The following TRIM15 variants were observed in gnomAD, a reference collection of about 807,000 sequenced individuals.
TRIM15 encodes the protein tripartite motif containing 15.
In TRIM15, 35 loss-of-function variants were observed where a neutral mutation model predicts 35.8. The ratio of observed to expected loss-of-function variants is 0.98; its 90% confidence interval spans 0.75 to 1.30. TRIM15 has a LOEUF of 1.30. Ranked by LOEUF, TRIM15 falls within the 50% of genes most tolerant of loss-of-function variation. The pLI is 0.00. For missense variants in TRIM15, 590 were observed against 593.5 expected, an observed-to-expected ratio of 0.99 and a Z score of 0.06; for synonymous variants, 252 against 249.8, an observed-to-expected ratio of 1.01 and a Z score of -0.08.
Position 30,172,379 on chromosome 6 carries a change from A to G in TRIM15, c.*30A>G. On this transcript the variant is annotated 3_prime_UTR_variant, in exon 7 of 7. Coordinates refer to ENST00000376694, the MANE Select transcript of TRIM15 (RefSeq NM_033229.3). Reference sequence around the variant, plus strand: ...GGGCGCGCGAAGGGCGGCGAAGCGGAGACGGCGGCTCTCCGGGATCCAGCT... The same window carrying G: ...GGGCGCGCGAAGGGCGGCGAAGCGGGGACGGCGGCTCTCCGGGATCCAGCT... 6.4e-7 allele frequency: 1 copy of G among 1,566,494 alleles called. No homozygotes were observed. Among genetic ancestry groups the G allele is most frequent in the East Asian group, 2.2e-5 (1 of 44,548 alleles).
intron 1 of TRIM15, among the ~76,000 whole-genome samples, chr6:30,165,982 C>A (rs1243309928): frequency 1.3e-5 from 2 of 152,036 alleles, no homozygotes; most frequent in African/African-American, 4.8e-5. Flanking sequence ...TGTTTAAGTT[C>A]TTTGTAGATT....
chr6:30,166,385 G>A (rs144296487), intron 1 of TRIM15, among the ~76,000 whole-genome samples: 2 of 152,064 alleles, frequency 1.3e-5, no homozygotes, highest in Non-Finnish European at 2.9e-5. Flanking sequence ...GCTTGTTTTT[G>A]TCAGGTTTGT....
At position 30,172,000 on chromosome 6, in the gene TRIM15, G is replaced by A. The variant is rs746871012; in HGVS notation, c.1049G>A (p.Arg350His). ...GFPGFSSGRH[R>H]WQVDLQLGDG... is the part of the protein sequence containing the mutation. ...CCGGGCTTCTCCTCCGGGCGCCACC[G>A]CTGGCAGGTTGACCTGCAGCTGGGC... The change falls in exon 7 of 7, where the codon CGC (arginine) becomes CAC (histidine). Residue 350 changes from arginine to histidine, a missense_variant. Arg to His is a conservative substitution (Grantham distance 29). Transcript: ENST00000376694. The A allele has an allele frequency of 2.5e-5, 39 of 1,578,684 alleles. No individual in the cohort carries two copies. The African/African-American group carries it at 4.8e-4, about 20-fold the overall frequency.
Position 30,163,997 on chromosome 6 carries a change from T to C in TRIM15, c.313T>C (p.Cys105Arg). 6.2e-7 allele frequency: 1 copy of C among 1,613,116 alleles called. No homozygotes were observed. The highest frequency in any genetic ancestry group is 8.5e-7 in the Non-Finnish European group (1 of 1,180,012). ...ENDAEFLCVF[C>R]REGPTHQAHT... ...CGATGCCGAGTTCCTCTGTGTGTTC[T>C]GCAGGGAGGGTCCCACGCACCAGGC... The change falls in exon 1 of 7, where the codon TGC (cysteine) becomes CGC (arginine). Residue 105 changes from cysteine to arginine, a missense_variant. Coordinates refer to ENST00000376694, the MANE Select transcript of TRIM15 (RefSeq NM_033229.3).
Position 30,172,393 on chromosome 6 carries a change from C to G in TRIM15, c.*44C>G. The G allele has an allele frequency of 6.4e-7, 1 of 1,557,040 alleles. No individual in the cohort carries two copies. Among genetic ancestry groups the G allele is most frequent in the Non-Finnish European group, 8.7e-7 (1 of 1,155,618 alleles). On this transcript the variant is annotated 3_prime_UTR_variant, in exon 7 of 7. Coordinates refer to ENST00000376694, the MANE Select transcript of TRIM15 (RefSeq NM_033229.3). ...CGGCGAAGCGGAGACGGCGGCTCTC[C>G]GGGATCCAGCTCCGCCCCTGGCCAG...
intron 5 of TRIM15, 54 bp from the exon 6 acceptor site, chr6:30,170,922 G>A: frequency 1.3e-6 from 2 of 1,586,254 alleles, no homozygotes. Flanking sequence ...CCCTGGGGGT[G>A]CCTATAAGAA....
Position 30,163,637 on chromosome 6 carries a change from C to T in TRIM15, c.-48C>T. The T allele has an allele frequency of 1.9e-6, 3 of 1,547,588 alleles. No homozygotes were observed. The highest frequency in any genetic ancestry group is 3.7e-5 in the Admixed American group (2 of 53,782). ...GACTCGATTTCAGGGAAAGGGAACTCGCGTGGGCTGAGGAGACCGGAGTGG... is the reference window on the plus strand; with the variant it reads ...GACTCGATTTCAGGGAAAGGGAACTTGCGTGGGCTGAGGAGACCGGAGTGG... On this transcript the variant is annotated 5_prime_UTR_variant, in exon 1 of 7. Coordinates refer to ENST00000376694, the MANE Select transcript of TRIM15 (RefSeq NM_033229.3).
Position 30,171,903 on chromosome 6 carries a change from T to G in TRIM15, c.952T>G (p.Tyr318Asp), listed in dbSNP as rs1412597310. 1 of 1,600,796 alleles carries G rather than the reference T, an allele frequency of 6.2e-7. No individual in the cohort carries two copies. Among genetic ancestry groups the G allele is most frequent in the Non-Finnish European group, 8.5e-7 (1 of 1,174,118 alleles). The change falls in exon 7 of 7, where the codon TAC (tyrosine) becomes GAC (aspartate). Residue 318 changes from tyrosine (Y) to aspartate (D), a missense_variant. Physicochemically the swap from Tyr to Asp is radical, Grantham distance 160. Transcript: ENST00000376694. ...VLSEDRKSVR[Y>D]TRQKKSLPDS... ...CTCGGAAGACAGGAAGTCAGTGAGG[T>G]ACACCCGGCAGAAGAAGAGCCTGCC... is the stretch of plus-strand genomic sequence containing the variant.
chr6:30,167,291 C>T lies in TRIM15; in HGVS notation c.477+20C>T, dbSNP rs59748816. ...CTGCTGGTACAGGCCACGTCACTGG[C>T]TACCTTTTCCTTTGAAGGTTTTCTT... On this transcript the variant is annotated intron_variant, in intron 2 of 6. Coordinates refer to ENST00000376694, the MANE Select transcript of TRIM15 (RefSeq NM_033229.3). The T allele has an allele frequency of 2.1e-3, 3,303 of 1,596,338 alleles. 40 individuals are homozygous for T. In the African/African-American group the frequency reaches 0.032, roughly 15 times the overall value.
Position 30,172,632 on chromosome 6 carries a change from C to A in TRIM15, c.*283C>A. ...GGGCAACAGCCAACCTAGGAGCCAGCGGGCTTTCGGGGAAAAAAAAGAAAA... is the reference window on the plus strand; with the variant it reads ...GGGCAACAGCCAACCTAGGAGCCAGAGGGCTTTCGGGGAAAAAAAAGAAAA... On this transcript the variant is annotated 3_prime_UTR_variant, in exon 7 of 7. Transcript: ENST00000376694. 1 of 651,226 alleles carries A rather than the reference C, an allele frequency of 1.5e-6. No homozygotes were observed. The highest frequency in any genetic ancestry group is 2.8e-6 in the Non-Finnish European group (1 of 357,374). 40.3% of individuals were successfully genotyped at this position (651,226 alleles called of 1,614,324 possible).
intron 3 of TRIM15, 56 bp from the exon 4 acceptor site, chr6:30,169,185 C>T (rs926802064): frequency 1.9e-6 from 3 of 1,607,022 alleles, no homozygotes; most frequent in Non-Finnish European, 2.6e-6. Context: ...TGTACAGAAT[C>T]CCTGACAGGA....
intron 1 of TRIM15, 51 bp from the exon 2 acceptor site, chr6:30,167,125 A>G (rs946683148): frequency 6.9e-7 from 1 of 1,459,654 alleles, no homozygotes; most frequent in African/African-American, 1.4e-5. Context: ...AATAATTGTG[A>G]GTTGAATTAT....
At position 30,171,995 on chromosome 6, in the gene TRIM15, C is replaced by T. The variant is rs752585923; in HGVS notation, c.1044C>T (p.Arg348=). Residue 348 remains arginine, a synonymous_variant, in exon 7 of 7, where the codon CGC becomes CGT. Transcript: ENST00000376694. ...VLGFPGFSSG[R]HRWQVDLQLG... is the part of the protein sequence containing the mutation. ...GCTTCCCGGGCTTCTCCTCCGGGCG[C>T]CACCGCTGGCAGGTTGACCTGCAGC... 6.3e-7 allele frequency: 1 copy of T among 1,580,110 alleles called. No individual in the cohort carries two copies. Among genetic ancestry groups the T allele is most frequent in the South Asian group, 1.1e-5 (1 of 87,198 alleles).
At position 30,163,857 on chromosome 6, in the gene TRIM15, C is replaced by A; in HGVS notation, c.173C>A (p.Pro58Gln). 6.2e-7 allele frequency: 1 copy of A among 1,613,052 alleles called. No individual in the cohort carries two copies. The highest frequency in any genetic ancestry group is 8.5e-7 in the Non-Finnish European group (1 of 1,180,040). ...AQSSGKILLC[P>Q]LCQEEEQAET... is the part of the protein sequence containing the mutation. Reference sequence around the variant, plus strand: ...TCCTCGGGCAAGATCCTGCTCTGCCCGCTCTGCCAAGAGGAGGAGCAGGCA... The same window carrying A: ...TCCTCGGGCAAGATCCTGCTCTGCCAGCTCTGCCAAGAGGAGGAGCAGGCA... The change falls in exon 1 of 7, where the codon CCG (proline) becomes CAG (glutamine). Residue 58 changes from proline to glutamine, a missense_variant. Physicochemically the swap from Pro to Gln is moderately conservative, Grantham distance 76 (BLOSUM62 -1). Coordinates refer to ENST00000376694, the MANE Select transcript of TRIM15 (RefSeq NM_033229.3).
intron 5 of TRIM15, 83 bp downstream of exon 5, chr6:30,170,699 T>C (rs139690168): frequency 0.015 from 17,036 of 1,139,780 alleles, 237 homozygotes; most frequent in Middle Eastern, 0.034. Context: ...TCTCTGCCCT[T>C]GAAACCTGGC....
At position 30,168,305 on chromosome 6, in the gene TRIM15, G is replaced by GATCGAAAGCAAGAAGC; in HGVS notation, c.487_502dup (p.Gln168ArgfsTer12). 2 of 1,612,624 alleles carry GATCGAAAGCAAGAAGC rather than the reference G, an allele frequency of 1.2e-6. No homozygotes were observed. Among genetic ancestry groups the GATCGAAAGCAAGAAGC allele is most frequent in the Non-Finnish European group, 1.7e-6 (2 of 1,179,736 alleles). On this transcript the variant is annotated frameshift_variant, in exon 3 of 7. Transcript: ENST00000376694. LOFTEE classifies it high-confidence loss of function. ...CTGCCTTTTATCCCTTGAAGACTCA[G>GATCGAAAGCAAGAAGC]ATCGAAAGCAAGAAGCATCAGGTGG... is the stretch of plus-strand genomic sequence containing the variant.
intron 4 of TRIM15, 122 bp from the exon 5 acceptor site, chr6:30,170,379 C>T: frequency 3.2e-6 from 2 of 616,516 alleles, no homozygotes; most frequent in Non-Finnish European, 5.8e-6. Context: ...AAATGATACT[C>T]AATTTCATTA....
In TRIM15 at chr6:30,167,168, C is replaced by T. The variant is rs372550497; in HGVS notation, c.382-8C>T. ...GTCACCTCTATCCACCCATTCTTCT[C>T]CCCACAGGATCGTCTCAGGAGTCGA... On this transcript the variant is annotated splice_region_variant and splice_polypyrimidine_tract_variant and intron_variant, in intron 1 of 6. Coordinates refer to ENST00000376694, the MANE Select transcript of TRIM15 (RefSeq NM_033229.3). 71 of 1,610,668 alleles carry T rather than the reference C, an allele frequency of 4.4e-5. No homozygotes were observed. In the African/African-American group the frequency reaches 8.4e-4, roughly 19 times the overall value.
intron 4 of TRIM15, chr6:30,169,611 G>C (rs1773869999): frequency 1.9e-6 from 1 of 529,734 alleles, no homozygotes; most frequent in Non-Finnish European, 3.5e-6. Flanking sequence ...TTTAAAGGGG[G>C]AATACTTTCT....
Sources: gnomAD v4.1 joint callset for allele counts (sites outside exome capture counted in the v4.1 genomes callset) on GRCh38, gnomAD v4.1.1 for gene constraint, MANE v1.5 for transcripts, NCBI Gene and HGNC (gene_info 2026-07-23, HGNC 2026-07-21) for gene names.